The following HS3ST4 variants were observed in gnomAD, a reference collection of about 807,000 sequenced individuals.
The protein encoded by HS3ST4 is heparan sulfate glucosamine 3-O-sulfotransferase 4.
In HS3ST4, 17 loss-of-function variants were observed where a neutral mutation model predicts 29.2. The observed-to-expected ratio is 0.58, with a 90% CI of 0.40 to 0.87. The LOEUF (loss-of-function observed/expected upper bound fraction) is 0.87. HS3ST4 is among the 40% of genes least tolerant of loss of function. The probability of loss-of-function intolerance (pLI) is 0.00; values close to 1 mark genes in which losing one functional copy is unlikely to be tolerated. For synonymous variants in HS3ST4, 314 were observed against 285.7 expected (o/e 1.10, Z -1.00); for missense variants, 627 against 634.5 (o/e 0.99, Z 0.13).
At chr16:25,822,818 A>G (rs1334607009) in intron 1 of HS3ST4, among the ~76,000 whole-genome samples, 1 of 151,566 alleles carries the variant, frequency 6.6e-6, no homozygotes, top group African/African-American at 2.4e-5. Flanking sequence ...GCTCACTGCA[A>G]CCTCCACCTC....
chr16:25,868,337 A>G (rs896486038), intron 1 of HS3ST4, among the ~76,000 whole-genome samples: 1 of 152,146 alleles, frequency 6.6e-6, no homozygotes, highest in Admixed American at 6.5e-5. Flanking sequence ...ATTGTAAGAT[A>G]CTAAATCCGG....
At chr16:26,017,424 G>A (rs191412799) in intron 1 of HS3ST4, among the ~76,000 whole-genome samples, 211 of 152,270 alleles carry the variant, frequency 1.4e-3, no homozygotes, top group African/African-American at 4.6e-3. Context: ...TATTGGCTGC[G>A]TGTGGCAATA....
At chr16:25,947,873 G>A (rs1228929922) in intron 1 of HS3ST4, among the ~76,000 whole-genome samples, 2 of 151,992 alleles carry the variant, frequency 1.3e-5, no homozygotes, top group Non-Finnish European at 2.9e-5. Flanking sequence ...GCAAGTGTGG[G>A]CAAATAATTA....
At chr16:25,734,941 A>C (rs1457122677) in intron 1 of HS3ST4, among the ~76,000 whole-genome samples, 1 of 152,150 alleles carries the variant, frequency 6.6e-6, no homozygotes, top group Non-Finnish European at 1.5e-5. Flanking sequence ...GCTGTGAGTC[A>C]GCTCACCCAC....
intron 1 of HS3ST4, among the ~76,000 whole-genome samples, chr16:26,045,921 T>G (rs1297398464): frequency 6.6e-6 from 1 of 152,214 alleles, no homozygotes; most frequent in Admixed American, 6.5e-5. Flanking sequence ...ATTTATTCAT[T>G]TCAGTTCATT....
Position 26,077,471 on chromosome 16 carries a change from G to A in HS3ST4, c.735-58141G>A, listed in dbSNP as rs539832170. Among the ~76,000 whole-genome samples the A allele has an allele frequency of 1.1e-4, 17 of 152,288 alleles. No homozygotes were observed. In the East Asian group the frequency reaches 1.4e-3, roughly 12 times the overall value. On this transcript the variant is annotated intron_variant, in intron 1 of 1. Transcript: ENST00000331351. ...ACCTTTTACAATAGGCTGTATTGCC[G>A]TCATGCTTTCTTGTAGGAGCAAAAG... is the stretch of plus-strand genomic sequence containing the variant.
intron 1 of HS3ST4, among the ~76,000 whole-genome samples, chr16:25,861,579 C>T (rs1305626813): frequency 6.6e-6 from 1 of 152,078 alleles, no homozygotes; most frequent in African/African-American, 2.4e-5. Flanking sequence ...AAAAGGATAA[C>T]AAATGAGAGT....
At chr16:26,057,945 G>T (rs1159895306) in intron 1 of HS3ST4, among the ~76,000 whole-genome samples, 1 of 149,850 alleles carries the variant, frequency 6.7e-6, no homozygotes, top group Non-Finnish European at 1.5e-5. Context: ...CTGGGGCCAG[G>T]GTTGAAGGCC....
chr16:25,811,637 T>C (rs1193186953), intron 1 of HS3ST4, among the ~76,000 whole-genome samples: 1 of 151,972 alleles, frequency 6.6e-6, no homozygotes, highest in Non-Finnish European at 1.5e-5. Context: ...TTCTCCTTTT[T>C]GGTCATGCTG....
chr16:26,060,427 A>G (rs1490357136), intron 1 of HS3ST4, among the ~76,000 whole-genome samples: 1 of 152,140 alleles, frequency 6.6e-6, no homozygotes, highest in Non-Finnish European at 1.5e-5. Flanking sequence ...CCTGGTGGCC[A>G]TTGAGTTGCT....
chr16:25,850,356 C>G (rs1967506540), intron 1 of HS3ST4, among the ~76,000 whole-genome samples: 1 of 152,110 alleles, frequency 6.6e-6, no homozygotes, highest in Non-Finnish European at 1.5e-5. Flanking sequence ...GGAAAAAACC[C>G]CACATCCATC....
At chr16:25,892,350 C>A (rs1968018184) in intron 1 of HS3ST4, among the ~76,000 whole-genome samples, 1 of 152,144 alleles carries the variant, frequency 6.6e-6, no homozygotes, top group Non-Finnish European at 1.5e-5. Context: ...AACATTATGA[C>A]CCCGAACACA....
intron 1 of HS3ST4, among the ~76,000 whole-genome samples, chr16:25,747,582 G>C (rs191876168): frequency 2.6e-4 from 40 of 152,280 alleles, no homozygotes; most frequent in African/African-American, 8.2e-4. Context: ...TGTTATTTTT[G>C]TTCCTCTTTT....
chr16:25,852,472 GT>G (rs1967531425), intron 1 of HS3ST4, among the ~76,000 whole-genome samples: 2 of 151,682 alleles, frequency 1.3e-5, no homozygotes, highest in Admixed American at 1.3e-4. Flanking sequence ...CTAATTACTA[GT>G]AAACTTGACG....
chr16:25,929,121 C>T (rs1268984922), intron 1 of HS3ST4, among the ~76,000 whole-genome samples: 2 of 152,234 alleles, frequency 1.3e-5, no homozygotes, highest in African/African-American at 4.8e-5. Flanking sequence ...TGGGGGCTCA[C>T]GCCTATAATC....
intron 1 of HS3ST4, among the ~76,000 whole-genome samples, chr16:25,929,582 G>A (rs1968443312): frequency 6.6e-6 from 1 of 151,956 alleles, no homozygotes; most frequent in Admixed American, 6.6e-5. Context: ...CAAAATAATT[G>A]GTCTGTCTCT....
chr16:26,109,043 T>A (rs1404772577), intron 1 of HS3ST4, among the ~76,000 whole-genome samples: 1 of 152,134 alleles, frequency 6.6e-6, no homozygotes, highest in Non-Finnish European at 1.5e-5. Context: ...AACAAACATG[T>A]TGAGGCCTAA....
At chr16:26,064,059 GGTAGGTAA>G (rs1898513212) in intron 1 of HS3ST4, among the ~76,000 whole-genome samples, 1 of 152,120 alleles carries the variant, frequency 6.6e-6, no homozygotes, top group East Asian at 1.9e-4. Context: ...TAAGAAGCTA[GGTAGGTAA>G]CATAAACAAG....
intron 1 of HS3ST4, among the ~76,000 whole-genome samples, chr16:25,928,762 T>C (rs1968435131): frequency 6.6e-6 from 1 of 152,138 alleles, no homozygotes; most frequent in South Asian, 2.1e-4. Flanking sequence ...GGCCATGAGT[T>C]TGGGGTTCCT....
Sources: gnomAD v4.1 joint callset for allele counts (sites outside exome capture counted in the v4.1 genomes callset) on GRCh38, gnomAD v4.1.1 for gene constraint, MANE v1.5 for transcripts, NCBI Gene and HGNC (gene_info 2026-07-23, HGNC 2026-07-21) for gene names.